The following CNTNAP2 variants were observed in gnomAD, a reference collection of about 807,000 sequenced individuals.
The protein encoded by CNTNAP2 is contactin-associated protein-like 2.
Under a neutral mutation model 155.2 loss-of-function variants are expected in CNTNAP2, and 98 were observed. That is an observed-to-expected ratio of 0.63 (90% CI 0.54 to 0.75). CNTNAP2 has a LOEUF of 0.75. Ranked by LOEUF, CNTNAP2 falls within the 30% of genes least tolerant of loss-of-function variation. The pLI, the probability that CNTNAP2 is intolerant of heterozygous loss-of-function variation, is 0.00. For synonymous variants in CNTNAP2, 651 were observed against 631.2 expected (o/e 1.03, Z -0.47); for missense variants, 1,727 against 1,688.1 (o/e 1.02, Z -0.40).
chr7:146,691,916 C>A (rs1800703540), intron 1 of CNTNAP2, among the ~76,000 whole-genome samples: 2 of 152,036 alleles, frequency 1.3e-5, no homozygotes, highest in African/African-American at 4.8e-5. Flanking sequence ...ATGGTAACGT[C>A]TTGGATTGGA....
intron 3 of CNTNAP2, among the ~76,000 whole-genome samples, chr7:147,026,576 C>A (rs902783004): frequency 1.3e-5 from 2 of 151,344 alleles, no homozygotes; most frequent in African/African-American, 4.9e-5. Flanking sequence ...ACACTGAGTT[C>A]ATTCTTGGAA....
At chr7:147,796,004 A>G (rs1382274951) in intron 13 of CNTNAP2, among the ~76,000 whole-genome samples, 1 of 152,154 alleles carries the variant, frequency 6.6e-6, no homozygotes, top group African/African-American at 2.4e-5. Context: ...GATCCACAAT[A>G]TAGTAAAATA....
intron 1 of CNTNAP2, among the ~76,000 whole-genome samples, chr7:146,346,161 C>T (rs1250717793): frequency 1.3e-5 from 2 of 152,128 alleles, no homozygotes; most frequent in Non-Finnish European, 2.9e-5. Flanking sequence ...ACCCCTGGGC[C>T]GTGGACCTGG....
intron 1 of CNTNAP2, among the ~76,000 whole-genome samples, chr7:146,286,563 T>C (rs941688527): frequency 6.6e-6 from 1 of 152,188 alleles, no homozygotes; most frequent in Non-Finnish European, 1.5e-5. Context: ...AGAATGTTCT[T>C]TTCAAACAAA....
chr7:147,571,710 A>T (rs6968396), intron 12 of CNTNAP2, among the ~76,000 whole-genome samples: 31,125 of 152,112 alleles, frequency 0.2, 3,427 homozygotes, highest in Admixed American at 0.3. Context: ...GCTTATTAAC[A>T]TTCATAAGTT....
intron 21 of CNTNAP2, among the ~76,000 whole-genome samples, chr7:148,318,308 G>A (rs1234677777): frequency 1.3e-5 from 2 of 152,200 alleles, no homozygotes; most frequent in Non-Finnish European, 2.9e-5. Flanking sequence ...CCTGCCTCTC[G>A]CCATTCTCAT....
intron 1 of CNTNAP2, among the ~76,000 whole-genome samples, chr7:146,419,712 C>T (rs144168088): frequency 5.5e-4 from 83 of 152,196 alleles, no homozygotes; most frequent in African/African-American, 1.9e-3. Flanking sequence ...AAATTAAAAA[C>T]AGGTATCATC....
At chr7:148,031,557 T>A (rs1488726140) in intron 15 of CNTNAP2, among the ~76,000 whole-genome samples, 1 of 152,230 alleles carries the variant, frequency 6.6e-6, no homozygotes, top group Non-Finnish European at 1.5e-5. Context: ...TAAGTGCTAC[T>A]TAATAGAAAG....
intron 1 of CNTNAP2, among the ~76,000 whole-genome samples, chr7:146,714,302 A>G (rs344476): frequency 0.05 from 7,578 of 152,274 alleles, 280 homozygotes; most frequent in African/African-American, 0.1. Context: ...CACTGCTTAC[A>G]TTTCCACTGT....
At chr7:147,387,426 A>G (rs1796642226) in intron 9 of CNTNAP2, among the ~76,000 whole-genome samples, 2 of 152,178 alleles carry the variant, frequency 1.3e-5, no homozygotes, top group Admixed American at 1.3e-4. Context: ...CTTACACACC[A>G]TGCTTTATTC....
intron 1 of CNTNAP2, among the ~76,000 whole-genome samples, chr7:146,185,761 CTTTTTTTT>C (rs1554400924): frequency 1.1e-5 from 1 of 94,888 alleles, no homozygotes; most frequent in Non-Finnish European, 2.4e-5. Context: ...TTTTATTATT[CTTTTTTTT>C]TTTTTTTTTG....
At chr7:147,418,108 G>T (rs142963439) in intron 10 of CNTNAP2, among the ~76,000 whole-genome samples, 3 of 152,144 alleles carry the variant, frequency 2.0e-5, no homozygotes, top group African/African-American at 7.2e-5. Flanking sequence ...TTTACAAAGC[G>T]ATGGAAAGCA....
intron 13 of CNTNAP2, among the ~76,000 whole-genome samples, chr7:147,810,880 C>T (rs1263557612): frequency 6.6e-6 from 1 of 152,122 alleles, no homozygotes; most frequent in Non-Finnish European, 1.5e-5. Context: ...AAAGCAAGAA[C>T]CGGGGTTCCT....
chr7:146,217,735 T>C (rs2116891840), intron 1 of CNTNAP2, among the ~76,000 whole-genome samples: 1 of 152,280 alleles, frequency 6.6e-6, no homozygotes, highest in South Asian at 2.1e-4. Flanking sequence ...GGATTGAGAC[T>C]GACCTGGAGG....
At chr7:148,055,540 T>C (rs577701815) in intron 15 of CNTNAP2, among the ~76,000 whole-genome samples, 7 of 152,320 alleles carry the variant, frequency 4.6e-5, no homozygotes, top group African/African-American at 1.4e-4. Flanking sequence ...ATCTGTAAAA[T>C]GGGACAATGA....
chr7:146,340,962 A>C (rs1300365713), intron 1 of CNTNAP2, among the ~76,000 whole-genome samples: 4 of 152,192 alleles, frequency 2.6e-5, no homozygotes, highest in Admixed American at 2.6e-4. Flanking sequence ...CAAGAAGAAA[A>C]TATCTCTTCC....
At chr7:146,706,415 T>C (rs1354998812) in intron 1 of CNTNAP2, among the ~76,000 whole-genome samples, 3 of 152,174 alleles carry the variant, frequency 2.0e-5, no homozygotes, top group Non-Finnish European at 2.9e-5. Flanking sequence ...AAGAGATTCA[T>C]GGAGATCTTC....
intron 3 of CNTNAP2, among the ~76,000 whole-genome samples, chr7:146,845,339 C>G (rs1042669229): frequency 6.6e-6 from 1 of 152,122 alleles, no homozygotes; most frequent in Non-Finnish European, 1.5e-5. Flanking sequence ...GTCGAAAGGT[C>G]TGAATTCATG....
chr7:148,256,102 G>T (rs1585220813), intron 20 of CNTNAP2, among the ~76,000 whole-genome samples: 1 of 152,188 alleles, frequency 6.6e-6, no homozygotes, highest in East Asian at 1.9e-4. Flanking sequence ...AGTACATACG[G>T]CAAAGATGGC....
Sources: allele counts gnomAD v4.1 joint callset (sites outside exome capture counted in the v4.1 genomes callset), GRCh38; gene constraint gnomAD v4.1.1; transcripts MANE v1.5; gene names NCBI Gene and HGNC (gene_info 2026-07-23, HGNC 2026-07-21).